SPATA6: variants seen among roughly 807,000 people sequenced by gnomAD.
The protein encoded by SPATA6 is spermatogenesis-associated protein 6.
SPATA6 carries 56 observed loss-of-function variants against 65.3 expected under a neutral mutation model. That is an observed-to-expected ratio of 0.86 (90% CI 0.69 to 1.07). SPATA6 has a LOEUF of 1.07. Ranked by LOEUF, SPATA6 falls within the 50% of genes least tolerant of loss-of-function variation. The pLI is 0.00. For synonymous variants in SPATA6, 199 were observed against 213.2 expected (o/e 0.93, Z 0.58); for missense variants, 590 against 594.8 (o/e 0.99, Z 0.08).
intron 9 of SPATA6, among the ~76,000 whole-genome samples, chr1:48,372,326 G>T (rs1647370315): frequency 1.3e-5 from 2 of 152,084 alleles, no homozygotes; most frequent in African/African-American, 4.8e-5. Context: ...GGGGTTACAG[G>T]GCCCATGTAA....
At chr1:48,360,977 T>A (rs1183428346) in intron 9 of SPATA6, among the ~76,000 whole-genome samples, 1 of 152,180 alleles carries the variant, frequency 6.6e-6, no homozygotes, top group East Asian at 1.9e-4. Context: ...ATTGTAAGCA[T>A]AGAAAATTAA....
intron 3 of SPATA6, among the ~76,000 whole-genome samples, chr1:48,415,502 G>A (rs1389908197): frequency 1.3e-5 from 2 of 151,950 alleles, no homozygotes; most frequent in Non-Finnish European, 2.9e-5. Flanking sequence ...AAATAGTATA[G>A]ATTGAAAACA....
At chr1:48,317,018 G>C (rs1645447886) in intron 11 of SPATA6, among the ~76,000 whole-genome samples, 1 of 152,178 alleles carries the variant, frequency 6.6e-6, no homozygotes, top group African/African-American at 2.4e-5. Flanking sequence ...TCATTAAAAA[G>C]TCAGGAAACA....
intron 11 of SPATA6, among the ~76,000 whole-genome samples, chr1:48,329,443 C>T (rs184621313): frequency 2.6e-5 from 4 of 152,136 alleles, no homozygotes; most frequent in South Asian, 2.1e-4. Context: ...CAAGTAAAAG[C>T]GACACAAACT....
At chr1:48,352,269 T>C (rs1175702686) in intron 11 of SPATA6, among the ~76,000 whole-genome samples, 1 of 152,038 alleles carries the variant, frequency 6.6e-6, no homozygotes, top group East Asian at 1.9e-4. Flanking sequence ...CATGATTCAA[T>C]TACCTCCCAC....
At position 48,345,023 on chromosome 1, in the gene SPATA6, T is replaced by A. The variant is rs540648518; in HGVS notation, c.1194+10647A>T. On this transcript the variant is annotated intron_variant, in intron 11 of 12. Transcript: ENST00000371847. Reference sequence around the variant, plus strand: ...AACTCAGTTCTGGATCAAATGGACCTGACAGATATCTACAGAACTCTACTC... The same window carrying A: ...AACTCAGTTCTGGATCAAATGGACCAGACAGATATCTACAGAACTCTACTC... Among the ~76,000 whole-genome samples the A allele has an allele frequency of 4.6e-5, 7 of 152,286 alleles. No individual in the cohort carries two copies. The South Asian group carries it at 1.0e-3, about 23-fold the overall frequency.
chr1:48,468,834 T>C (rs949641870), intron 1 of SPATA6, among the ~76,000 whole-genome samples: 8 of 152,264 alleles, frequency 5.3e-5, no homozygotes, highest in African/African-American at 1.9e-4. Context: ...ATGGAACTCA[T>C]GTTTGGGACA....
At chr1:48,382,636 C>CT (rs1236212182) in intron 9 of SPATA6, among the ~76,000 whole-genome samples, 1 of 69,316 alleles carries the variant, frequency 1.4e-5, no homozygotes, top group Admixed American at 1.3e-4. Flanking sequence ...CCGACCCCCC[C>CT]CCCCCCGCCT....
intron 3 of SPATA6, chr1:48,436,480 T>A: frequency 6.2e-7 from 1 of 1,608,998 alleles, no homozygotes; most frequent in Non-Finnish European, 8.5e-7. Flanking sequence ...TGTGAGAGGG[T>A]TGAACTATCT....
In SPATA6 at chr1:48,436,725, T is replaced by C. The variant is rs1654974392; in HGVS notation, c.238+14827A>G. The stretch of plus-strand genomic sequence containing the variant: ...ATAATGTGAAGTCAGATATTTACAG[T>C]GTTGGGATTACAGCATGTGAATTAG... On this transcript the variant is annotated intron_variant, in intron 3 of 12. Transcript: ENST00000371847. 6.8e-6 allele frequency: 11 copies of C among 1,614,044 alleles called. No individual in the cohort carries two copies. The Admixed American group carries it at 1.2e-4, about 17-fold the overall frequency.
chr1:48,448,965 C>A (rs2148142808), intron 3 of SPATA6, among the ~76,000 whole-genome samples: 1 of 152,064 alleles, frequency 6.6e-6, no homozygotes, highest in African/African-American at 2.4e-5. Flanking sequence ...TGATGATACA[C>A]AATTGTATAA....
intron 10 of SPATA6, among the ~76,000 whole-genome samples, chr1:48,357,958 C>T (rs1458991235): frequency 6.6e-6 from 1 of 152,026 alleles, no homozygotes; most frequent in Non-Finnish European, 1.5e-5. Context: ...TTTAAAATTA[C>T]CTAACCTTCC....
At chr1:48,269,357 A>G in the SPATA6 span, among the ~76,000 whole-genome samples, 9 of 152,290 alleles carry the variant, frequency 5.9e-5, no homozygotes, top group Middle Eastern at 3.4e-3. Context: ...AATATCTTCC[A>G]TTCTACCAGT....
At chr1:48,418,853 G>A (rs981053453) in intron 3 of SPATA6, among the ~76,000 whole-genome samples, 4 of 148,882 alleles carry the variant, frequency 2.7e-5, no homozygotes, top group East Asian at 4.0e-4. Flanking sequence ...GGAGAGGAGA[G>A]GGGAGGGGAA....
chr1:48,459,451 AAATAT>A (rs1657256868), intron 1 of SPATA6, among the ~76,000 whole-genome samples: 1 of 152,146 alleles, frequency 6.6e-6, no homozygotes, highest in Non-Finnish European at 1.5e-5. Context: ...AAATTAAATT[AAATAT>A]AATAGCATCT....
chr1:48,413,111 TG>T lies in SPATA6; in HGVS notation c.278del (p.Pro93GlnfsTer36). The T allele has an allele frequency of 2.3e-6, 3 of 1,332,274 alleles. No individual in the cohort carries two copies. Among genetic ancestry groups the T allele is most frequent in the Admixed American group, 6.0e-5 (2 of 33,442 alleles). 82.5% of individuals were successfully genotyped at this position (1,332,274 alleles called of 1,614,324 possible). ...ATATATTACATCAATATATATTACC[TG>T]GTGGAACTAGCTGTATCAACTCGAA... ...AVFELIQLVP[P>X]VGETLSTYDE... On this transcript the variant is annotated frameshift_variant and splice_region_variant, in exon 4 of 13. Transcript: ENST00000371847. LOFTEE classifies it high-confidence loss of function.
At chr1:48,470,321 CAGG>C (rs938980727) in intron 1 of SPATA6, among the ~76,000 whole-genome samples, 3 of 152,122 alleles carry the variant, frequency 2.0e-5, no homozygotes, top group African/African-American at 7.2e-5. Context: ...CATTAGTTGG[CAGG>C]AGGAGGAAGA....
At chr1:48,360,886 C>T (rs948196992) in intron 9 of SPATA6, among the ~76,000 whole-genome samples, 1 of 152,032 alleles carries the variant, frequency 6.6e-6, no homozygotes, top group East Asian at 1.9e-4. Flanking sequence ...CAACTGGTCT[C>T]GATGTCAAAG....
At chr1:48,282,075 A>C in the SPATA6 span, among the ~76,000 whole-genome samples, 8 of 152,300 alleles carry the variant, frequency 5.3e-5, no homozygotes, top group South Asian at 6.2e-4. Flanking sequence ...CAAAAACAAG[A>C]AATGGGGAAA....
Sources: allele counts gnomAD v4.1 joint callset (sites outside exome capture counted in the v4.1 genomes callset), GRCh38; gene constraint gnomAD v4.1.1; transcripts MANE v1.5; gene names NCBI Gene and HGNC (gene_info 2026-07-23, HGNC 2026-07-21).